The following GRIP1 variants were observed in gnomAD, a reference collection of about 807,000 sequenced individuals.
GRIP1 encodes the protein glutamate receptor interacting protein 1, also known as glutamate receptor-interacting protein 1.
In GRIP1, 45 loss-of-function variants were observed where a neutral mutation model predicts 129.9. That is an observed-to-expected ratio of 0.35 (90% confidence interval 0.27 to 0.44). The LOEUF (loss-of-function observed/expected upper bound fraction) is 0.44, where lower values mean the gene tolerates loss of function less well. Among genes scored for constraint, GRIP1 ranks in the 20% least tolerant of loss-of-function variants. GRIP1 has a pLI of 1.00. For missense variants in GRIP1, 1,196 were observed against 1,396.8 expected (o/e 0.86, Z 2.29); for synonymous variants, 530 against 520.8 (o/e 1.02, Z -0.24).
At chr12:66,818,957 C>T (rs930123832) in intron 1 of GRIP1, among the ~76,000 whole-genome samples, 1 of 152,166 alleles carries the variant, frequency 6.6e-6, no homozygotes. Context: ...CCCAAAAAAT[C>T]TTAATGCAAT....
At chr12:66,809,111 A>G (rs759259419), upstream of GRIP1, among the ~76,000 whole-genome samples, 6 of 152,262 alleles carry the variant, frequency 3.9e-5, no homozygotes, top group Non-Finnish European at 7.3e-5. Context: ...ATATGTTAAC[A>G]AATATGTATT....
chr12:66,913,131 C>G (rs567244286), intron 1 of GRIP1, among the ~76,000 whole-genome samples: 1 of 152,140 alleles, frequency 6.6e-6, no homozygotes, highest in Non-Finnish European at 1.5e-5. Context: ...TTTGGATCTG[C>G]TTTAGTACCT....
chr12:66,750,599 C>T (rs1454073223), intron 1 of GRIP1, among the ~76,000 whole-genome samples: 2 of 152,190 alleles, frequency 1.3e-5, no homozygotes, highest in Non-Finnish European at 2.9e-5. Context: ...TTCTCCCCTA[C>T]CTTGTTCCAC....
At chr12:66,528,417 G>A (rs112003892) in intron 5 of GRIP1, among the ~76,000 whole-genome samples, 7,485 of 152,128 alleles carry the variant, frequency 0.049, 610 homozygotes, top group African/African-American at 0.17. Flanking sequence ...GATTACAGGC[G>A]TGAGTCACTG....
chr12:67,069,198 G>T, upstream of GRIP1: 1 of 761,058 alleles, frequency 1.3e-6, no homozygotes, highest in Non-Finnish European at 1.6e-6. Context: ...TCGTCCTCTA[G>T]GGCAGCCGCG....
intron 1 of GRIP1, among the ~76,000 whole-genome samples, chr12:67,041,025 GCAGACTGCCTTTGGACT>G (rs756853253): frequency 1.3e-4 from 20 of 152,204 alleles, no homozygotes; most frequent in South Asian, 4.2e-4. Context: ...AATTCCACCA[GCAGACTGCCTTTGGACT>G]CAGACTTCAG....
rs1042054484 is a variant in GRIP1 at position 66,517,518 on chromosome 12, G to A, written c.578+383C>T. ...CCAGGCTGGGAGATTAGCAACAGGC[G>A]AAGATGCATTTCCAGCATCTGCCTA... On this transcript the variant is annotated intron_variant, in intron 6 of 24. Transcript: ENST00000359742. Among the ~76,000 whole-genome samples the A allele has an allele frequency of 5.3e-5, 8 of 152,232 alleles. No homozygotes were observed. The East Asian group carries it at 1.5e-3, about 29-fold the overall frequency.
intron 1 of GRIP1, among the ~76,000 whole-genome samples, chr12:66,970,436 TG>T (rs1415794681): frequency 1.3e-5 from 2 of 151,976 alleles, no homozygotes; most frequent in Non-Finnish European, 2.9e-5. Context: ...TAACAGGAAA[TG>T]AGGCAAAAAG....
intron 1 of GRIP1, among the ~76,000 whole-genome samples, chr12:66,783,460 G>A (rs1225946064): frequency 6.6e-6 from 1 of 152,162 alleles, no homozygotes; most frequent in African/African-American, 2.4e-5. Context: ...GCTAACCAGT[G>A]GCACCCGCAT....
At chr12:66,795,547 A>T (rs1158369769) in intron 1 of GRIP1, among the ~76,000 whole-genome samples, 1 of 152,224 alleles carries the variant, frequency 6.6e-6, no homozygotes, top group Non-Finnish European at 1.5e-5. Flanking sequence ...ATTTCATCTT[A>T]CATTAAATTT....
In GRIP1 at chr12:66,546,476, T is replaced by A. The variant is rs1044900120; in HGVS notation, c.137-4526A>T. On this transcript the variant is annotated intron_variant, in intron 2 of 24. Transcript: ENST00000359742. ...TTGCACTCCAGTCTGGGCGATAGAGTGATACCCTGTATCAAAAATCATAAG... is the reference window on the plus strand; with the variant it reads ...TTGCACTCCAGTCTGGGCGATAGAGAGATACCCTGTATCAAAAATCATAAG... 1.2e-4 allele frequency among the ~76,000 whole-genome samples: 18 copies of A among 151,952 alleles called. 1 individual carries two copies. The highest frequency in any genetic ancestry group is 1.0e-3 in the Admixed American group (16 of 15,252).
chr12:66,743,403 T>G (rs186819662), intron 1 of GRIP1, among the ~76,000 whole-genome samples: 5 of 152,176 alleles, frequency 3.3e-5, no homozygotes, highest in Middle Eastern at 3.4e-3. Flanking sequence ...AACTTTATTA[T>G]GAATCCTAAA....
At chr12:66,481,252 GA>G (rs150481355) in intron 7 of GRIP1, among the ~76,000 whole-genome samples, 3 of 138,822 alleles carry the variant, frequency 2.2e-5, no homozygotes, top group Non-Finnish European at 3.1e-5. Context: ...AAATTCACAA[GA>G]AAAAAAAAGC....
At position 66,942,724 on chromosome 12, in the gene GRIP1, T is replaced by C. The variant is rs150419261; in HGVS notation, c.58+126326A>G. 4.1e-3 allele frequency among the ~76,000 whole-genome samples: 629 copies of C among 152,280 alleles called. 9 individuals are homozygous for C. The highest frequency in any genetic ancestry group is 0.014 in the African/African-American group (597 of 41,574). On this transcript the variant is annotated intron_variant, in intron 1 of 1. Transcript: ENST00000643019. Reference sequence around the variant, plus strand: ...AGGGGGCAGTGTAATGGACTGCATGTTTGTGTCCCCTCAAAATTTATATGT... The same window carrying C: ...AGGGGGCAGTGTAATGGACTGCATGCTTGTGTCCCCTCAAAATTTATATGT...
intron 2 of GRIP1, among the ~76,000 whole-genome samples, chr12:66,546,986 A>G (rs2061968748): frequency 6.6e-6 from 1 of 152,194 alleles, no homozygotes; most frequent in Admixed American, 6.5e-5. Flanking sequence ...CAGACCAGGA[A>G]AAAATATCTG....
chr12:66,634,963 A>C (rs2031210802), intron 1 of GRIP1, among the ~76,000 whole-genome samples: 2 of 152,234 alleles, frequency 1.3e-5, no homozygotes, highest in Admixed American at 1.3e-4. Context: ...ACCTGGCATC[A>C]TATTATTTGT....
intron 1 of GRIP1, among the ~76,000 whole-genome samples, chr12:66,738,615 G>A (rs1441214305): frequency 3.3e-5 from 5 of 152,150 alleles, no homozygotes; most frequent in Non-Finnish European, 5.9e-5. Context: ...GGTTTTGAGA[G>A]ATTGTTCCTG....
At chr12:66,723,782 A>C (rs1219580057) in intron 1 of GRIP1, among the ~76,000 whole-genome samples, 1 of 152,172 alleles carries the variant, frequency 6.6e-6, no homozygotes, top group Non-Finnish European at 1.5e-5. Context: ...CAGAATTAAA[A>C]ATTGTCTGAG....
At chr12:66,974,075 C>A (rs900933683) in intron 1 of GRIP1, among the ~76,000 whole-genome samples, 2 of 151,884 alleles carry the variant, frequency 1.3e-5, no homozygotes, top group Non-Finnish European at 2.9e-5. Flanking sequence ...CAGGCGCCTG[C>A]CAACACGCCC....
Sources: gnomAD v4.1 joint callset for allele counts (sites outside exome capture counted in the v4.1 genomes callset) on GRCh38, gnomAD v4.1.1 for gene constraint, MANE v1.5 for transcripts, NCBI Gene and HGNC (gene_info 2026-07-23, HGNC 2026-07-21) for gene names.